ZFP82: variants seen among roughly 807,000 people sequenced by gnomAD.
The protein encoded by ZFP82 is ZFP82 zinc finger protein, also known as zinc finger protein 82 homolog.
A neutral mutation model predicts 54.0 loss-of-function variants in ZFP82; 30 were observed. The ratio of observed to expected loss-of-function variants is 0.56; its 90% CI spans 0.42 to 0.75. The LOEUF (loss-of-function observed/expected upper bound fraction) is 0.75. Among genes scored for constraint, ZFP82 ranks in the 30% least tolerant of loss-of-function variants. The pLI is 0.00. For missense variants in ZFP82, 500 were observed against 636.8 expected (o/e 0.79, Z 2.31); for synonymous variants, 194 against 209.5 (o/e 0.93, Z 0.64).
intron 4 of ZFP82, among the ~76,000 whole-genome samples, chr19:36,397,857 A>AT (rs1227015970): frequency 2.6e-5 from 4 of 152,294 alleles, no homozygotes; most frequent in African/African-American, 9.6e-5. Context: ...AAGTGCTGGG[A>AT]TTACAGGCAT....
intron 1 of ZFP82, among the ~76,000 whole-genome samples, chr19:36,414,665 G>A (rs2032638579): frequency 6.6e-6 from 1 of 151,794 alleles, no homozygotes; most frequent in South Asian, 2.1e-4. Context: ...CCTGGCCTAT[G>A]TAATTCTTCT....
In ZFP82 at chr19:36,409,754, T is replaced by C. The variant is rs775169288; in HGVS notation, c.9+27A>G. The C allele has an allele frequency of 2.5e-6, 4 of 1,612,730 alleles. No individual in the cohort carries two copies. In the Admixed American group the frequency reaches 6.7e-5, roughly 27 times the overall value. ...TGGTCACAGAACCTTAACATGATAG[T>C]ATTCCTAGGAGGAGAAAAAAACTTA... On this transcript the variant is annotated intron_variant, in intron 2 of 4. Coordinates refer to ENST00000392161, the MANE Select transcript of ZFP82 (RefSeq NM_133466.4).
intron 4 of ZFP82, among the ~76,000 whole-genome samples, chr19:36,403,560 C>T (rs528255664): frequency 7.0e-4 from 100 of 143,116 alleles, no homozygotes; most frequent in Non-Finnish European, 1.2e-3. Flanking sequence ...GCAGAGGTTG[C>T]AGTGAGCCAA....
rs1037236808 is a variant in ZFP82, at chr19:36,389,044, T to C, written c.*3697A>G. On this transcript the variant is annotated 3_prime_UTR_variant, in exon 5 of 5. Transcript: ENST00000392161. ...ACAATTTCAGACTTGATTTTCTTTCTTTTTTTTTTTTTTTGAGATGGAGTC... is the reference window on the plus strand; with the variant it reads ...ACAATTTCAGACTTGATTTTCTTTCCTTTTTTTTTTTTTTGAGATGGAGTC... 1.3e-4 allele frequency among the ~76,000 whole-genome samples: 2 copies of C among 15,308 alleles called. No individual in the cohort carries two copies. Among genetic ancestry groups the C allele is most frequent in the Admixed American group, 7.1e-4 (1 of 1,418 alleles). The allele number at this position is 15,308 out of a possible 152,430, so 10.0% of individuals were successfully genotyped here. A position where few individuals can be genotyped will look rare whatever the true frequency, so the allele number is the denominator to read the frequency against.
Position 36,393,922 on chromosome 19 carries a change from T to A in ZFP82, c.418A>T (p.Ser140Cys), listed in dbSNP as rs1016802799. The change falls in exon 5 of 5, where the codon AGT becomes TGT. Residue 140 changes from serine (S) to cysteine (C), a missense_variant. By Grantham distance (112) the Ser-to-Cys change is moderately radical (BLOSUM62 -1). Transcript: ENST00000392161. ...QERPQEGYFS[S>C]VKMPSEKVSS... ...ACCTTTTCAGATGGCATTTTCACAC[T>A]ACTGAAGTATCCTTCTTGAGGTCTC... is the stretch of plus-strand genomic sequence containing the variant. 10 of 1,614,084 alleles carry A rather than the reference T, an allele frequency of 6.2e-6. No individual in the cohort carries two copies. The highest frequency in any genetic ancestry group is 7.6e-6 in the Non-Finnish European group (9 of 1,180,042).
rs926412177 is a variant in ZFP82, at chr19:36,393,452, G to A, written c.888C>T (p.His296=). The A allele has an allele frequency of 1.2e-6, 2 of 1,613,224 alleles. No homozygotes were observed. The highest frequency in any genetic ancestry group is 1.7e-5 in the Admixed American group (1 of 59,928). Residue 296 remains histidine, a synonymous_variant, in exon 5 of 5, where the codon CAC becomes CAT. Coordinates refer to ENST00000392161, the MANE Select transcript of ZFP82 (RefSeq NM_133466.4). The part of the protein sequence containing the change: ...ECGKAFRQYA[H]LTRHQKLNSA... Reference sequence around the variant, plus strand: ...TATTAAGCTTCTGATGCCGAGTCAGGTGTGCGTACTGTCTAAAGGCTTTTC... The same window carrying A: ...TATTAAGCTTCTGATGCCGAGTCAGATGTGCGTACTGTCTAAAGGCTTTTC...
rs535090195 is a variant in ZFP82 at position 36,406,452 on chromosome 19, T to C, written c.137-780A>G. The stretch of plus-strand genomic sequence containing the variant: ...ACCATTGATCTTCTTTTTGTCTCTA[T>C]AGATTTGCCTTTTCTGGGCATTTCA... On this transcript the variant is annotated intron_variant, in intron 3 of 4. Coordinates refer to ENST00000392161, the MANE Select transcript of ZFP82 (RefSeq NM_133466.4). Among the ~76,000 whole-genome samples, 20 of 152,362 alleles carry C rather than the reference T, an allele frequency of 1.3e-4. 1 individual carries two copies. In the South Asian group the frequency reaches 3.7e-3, roughly 28 times the overall value.
downstream of ZFP82, among the ~76,000 whole-genome samples, chr19:36,385,461 G>C (rs2032104936): frequency 1.3e-5 from 2 of 152,224 alleles, no homozygotes; most frequent in South Asian, 4.1e-4. Context: ...ATGAATAACT[G>C]AAAGTGTGGA....
At chr19:36,410,737 A>G (rs1025932729) in intron 1 of ZFP82, among the ~76,000 whole-genome samples, 1 of 151,744 alleles carries the variant, frequency 6.6e-6, no homozygotes, top group Non-Finnish European at 1.5e-5. Context: ...TCCTGACTTC[A>G]TGATCCGCCC....
downstream of ZFP82, among the ~76,000 whole-genome samples, chr19:36,388,177 C>A (rs2032136497): frequency 6.6e-6 from 1 of 152,094 alleles, no homozygotes; most frequent in Admixed American, 6.6e-5. Flanking sequence ...CCTAGTAAAT[C>A]ATTTTATGTT....
intron 4 of ZFP82, among the ~76,000 whole-genome samples, chr19:36,404,285 T>C (rs576620794): frequency 2.6e-5 from 4 of 152,336 alleles, no homozygotes; most frequent in African/African-American, 7.2e-5. Context: ...AGGCTGGTCA[T>C]GACCCATTTG....
chr19:36,396,609 T>C (rs1485529764), intron 4 of ZFP82, among the ~76,000 whole-genome samples: 1 of 151,858 alleles, frequency 6.6e-6, no homozygotes, highest in African/African-American at 2.4e-5. Flanking sequence ...TGAGCCGAGA[T>C]CGCGCCACTG....
chr19:36,407,366 G>A (rs866174015), intron 3 of ZFP82, among the ~76,000 whole-genome samples: 17 of 152,114 alleles, frequency 1.1e-4, no homozygotes, highest in Admixed American at 5.2e-4. Flanking sequence ...GTGAGCCACC[G>A]CGCCCGGCCA....
At position 36,393,353 on chromosome 19, in the gene ZFP82, G is replaced by A. The variant is rs566730895; in HGVS notation, c.987C>T (p.His329=). ...AGGGTTTCTCACCAGTATGAAGTTT[G>A]TGATGTACTCTAAGACCAGAGCCAC... ...FLCGSGLRVH[H]KLHTGEKPYE... is the part of the protein sequence containing the mutation. The change falls in exon 5 of 5, where the codon CAC becomes CAT. Residue 329 remains histidine, a synonymous_variant. Coordinates refer to ENST00000392161, the MANE Select transcript of ZFP82 (RefSeq NM_133466.4). The A allele has an allele frequency of 4.3e-6, 7 of 1,613,338 alleles. No individual in the cohort carries two copies. In the African/African-American group the frequency reaches 9.4e-5, roughly 22 times the overall value.
chr19:36,384,263 T>C (rs1198135672), downstream of ZFP82: 2 of 152,196 alleles, frequency 1.3e-5, no homozygotes, highest in East Asian at 1.9e-4. Context: ...ATAATGTATA[T>C]ATAAAAGATA....
At chr19:36,402,388 G>A (rs2032401527) in intron 4 of ZFP82, among the ~76,000 whole-genome samples, 1 of 142,536 alleles carries the variant, frequency 7.0e-6, no homozygotes, top group South Asian at 2.2e-4. Flanking sequence ...AGAACGGCGT[G>A]AACCCAGGAA....
intron 4 of ZFP82, among the ~76,000 whole-genome samples, chr19:36,399,785 G>A (rs751598743): frequency 3.3e-5 from 5 of 152,074 alleles, no homozygotes; most frequent in African/African-American, 9.7e-5. Flanking sequence ...CTCAGCTGTC[G>A]AAAATTAAGT....
intron 1 of ZFP82, among the ~76,000 whole-genome samples, chr19:36,414,062 G>A (rs1483043746): frequency 4.6e-5 from 7 of 151,784 alleles, no homozygotes; most frequent in African/African-American, 1.2e-4. Context: ...CACCACGCCC[G>A]GCTAATTTTT....
intron 4 of ZFP82, among the ~76,000 whole-genome samples, chr19:36,402,551 T>C (rs562473296): frequency 4.7e-5 from 7 of 149,520 alleles, no homozygotes; most frequent in East Asian, 3.9e-4. Flanking sequence ...AGTCAGAAGA[T>C]AGAACATTAC....
Sources: gnomAD v4.1 joint callset for allele counts (sites outside exome capture counted in the v4.1 genomes callset) on GRCh38, gnomAD v4.1.1 for gene constraint, MANE v1.5 for transcripts, NCBI Gene and HGNC (gene_info 2026-07-23, HGNC 2026-07-21) for gene names.